Variants in COL22A1 observed in about 807,000 individuals in gnomAD.
COL22A1 encodes collagen alpha-1(XXII) chain.
A neutral mutation model predicts 248.9 loss-of-function variants in COL22A1; 221 were observed. That is an observed-to-expected ratio of 0.89 (90% CI 0.80 to 0.99). The LOEUF (loss-of-function observed/expected upper bound fraction) is 0.99. COL22A1 is among the 50% of genes least tolerant of loss of function. COL22A1 has a pLI of 0.00. For missense variants in COL22A1, 2,240 were observed against 2,179.0 expected, an observed-to-expected ratio of 1.03 and a Z score of -0.56; for synonymous variants, 891 against 793.4, an observed-to-expected ratio of 1.12 and a Z score of -2.07.
rs145559929 is a variant in COL22A1 at position 138,788,399 on chromosome 8, A to G, written c.1597-7419T>C. 3.3e-5 allele frequency among the ~76,000 whole-genome samples: 5 copies of G among 152,334 alleles called. No homozygotes were observed. In the East Asian group the frequency reaches 9.6e-4, roughly 29 times the overall value. On this transcript the variant is annotated intron_variant, in intron 12 of 64. Transcript: ENST00000303045. ...CCAGGTGAATTTTCATTTTATAGTG[A>G]ATAGCCTGTAAAACAAGGACAGCAA...
intron 11 of COL22A1, among the ~76,000 whole-genome samples, chr8:138,802,341 G>T (rs1057325697): frequency 6.6e-6 from 1 of 152,034 alleles, no homozygotes; most frequent in African/African-American, 2.4e-5. Flanking sequence ...GAAACTCTGT[G>T]ACTATAAATC....
At chr8:138,606,857 T>A (rs1207921106) in intron 57 of COL22A1, among the ~76,000 whole-genome samples, 1 of 152,170 alleles carries the variant, frequency 6.6e-6, no homozygotes, top group Admixed American at 6.5e-5. Context: ...ATTTTTCAAC[T>A]TCAACTTTTC....
chr8:138,694,748 A>C, intron 33 of COL22A1, 78 bp downstream of exon 33: 2 of 1,542,988 alleles, frequency 1.3e-6, no homozygotes, highest in South Asian at 1.2e-5. Flanking sequence ...CACGGTGCAG[A>C]TCTACAGCTG....
At chr8:138,863,106 A>G (rs1354678903) in intron 3 of COL22A1, among the ~76,000 whole-genome samples, 1 of 152,182 alleles carries the variant, frequency 6.6e-6, no homozygotes, top group East Asian at 1.9e-4. Flanking sequence ...TTAAAAGATA[A>G]AATAAAGTCC....
At chr8:138,873,355 T>C (rs1450944828) in intron 3 of COL22A1, among the ~76,000 whole-genome samples, 1 of 151,898 alleles carries the variant, frequency 6.6e-6, no homozygotes, top group Non-Finnish European at 1.5e-5. Context: ...GGGGGTGGGG[T>C]GGGGAGTGAA....
intron 47 of COL22A1, among the ~76,000 whole-genome samples, chr8:138,645,014 G>A (rs146608919): frequency 1.4e-3 from 215 of 152,306 alleles, no homozygotes; most frequent in African/African-American, 3.9e-3. Flanking sequence ...GTAAGTACAA[G>A]CAACACAATA....
At chr8:138,912,594 G>T (rs984727753) in intron 1 of COL22A1, among the ~76,000 whole-genome samples, 1 of 152,108 alleles carries the variant, frequency 6.6e-6, no homozygotes, top group Non-Finnish European at 1.5e-5. Flanking sequence ...TATAAAATTA[G>T]CCGGGCATGG....
At chr8:138,778,332 C>A (rs1430920094) in intron 15 of COL22A1, 21 bp downstream of exon 15, 15 of 1,613,954 alleles carry the variant, frequency 9.3e-6, no homozygotes, top group Non-Finnish European at 9.3e-6. Context: ...AACCCCTGCC[C>A]AGACAAGTGC....
At chr8:138,698,026 C>T (rs1228342741) in intron 32 of COL22A1, among the ~76,000 whole-genome samples, 2 of 152,360 alleles carry the variant, frequency 1.3e-5, no homozygotes, top group Middle Eastern at 3.4e-3. Flanking sequence ...GCACAGGCCC[C>T]TCACGTGCCT....
At chr8:138,654,866 G>A (rs1401707041) in intron 45 of COL22A1, among the ~76,000 whole-genome samples, 1 of 152,146 alleles carries the variant, frequency 6.6e-6, no homozygotes, top group Non-Finnish European at 1.5e-5. Flanking sequence ...AGCAAATGTG[G>A]TTCTAGAAAC....
At chr8:138,602,058 G>A (rs2131834232) in intron 60 of COL22A1, 57 bp downstream of exon 60, 1 of 1,586,438 alleles carries the variant, frequency 6.3e-7, no homozygotes, top group Admixed American at 1.7e-5. Flanking sequence ...AACATCCTGT[G>A]GCCACTGTGC....
At chr8:138,780,476 G>A (rs1814862500) in intron 13 of COL22A1, among the ~76,000 whole-genome samples, 1 of 152,178 alleles carries the variant, frequency 6.6e-6, no homozygotes, top group Non-Finnish European at 1.5e-5. Flanking sequence ...GGAGGATGTT[G>A]CAGCTCAGAG....
At chr8:138,756,252 GCACA>G (rs1165427238) in intron 18 of COL22A1, among the ~76,000 whole-genome samples, 1 of 152,090 alleles carries the variant, frequency 6.6e-6, no homozygotes, top group East Asian at 1.9e-4. Context: ...TCATAGCTCC[GCACA>G]CAGTCAGCAT....
intron 51 of COL22A1, among the ~76,000 whole-genome samples, chr8:138,625,681 G>A (rs116828546): frequency 0.016 from 2,477 of 152,252 alleles, 68 homozygotes; most frequent in African/African-American, 0.056. Flanking sequence ...AAAATTGTCC[G>A]TTGTAGTTGC....
At chr8:138,903,979 C>T (rs1814810372) in intron 1 of COL22A1, among the ~76,000 whole-genome samples, 1 of 152,132 alleles carries the variant, frequency 6.6e-6, no homozygotes, top group Non-Finnish European at 1.5e-5. Flanking sequence ...TCCCTGGAGC[C>T]CCTGCACCCA....
intron 51 of COL22A1, among the ~76,000 whole-genome samples, chr8:138,624,473 G>A (rs557977775): frequency 6.6e-6 from 1 of 152,244 alleles, no homozygotes; most frequent in Admixed American, 6.5e-5. Context: ...AGGAAAGAAA[G>A]GAGGAGGGAG....
intron 63 of COL22A1, among the ~76,000 whole-genome samples, chr8:138,593,781 G>C (rs1392249201): frequency 1.3e-5 from 2 of 152,226 alleles, no homozygotes; most frequent in South Asian, 2.1e-4. Flanking sequence ...GAGAGAACAA[G>C]AAAGTAGGAA....
intron 30 of COL22A1, among the ~76,000 whole-genome samples, chr8:138,707,076 T>C (rs578148720): frequency 2.6e-5 from 4 of 152,054 alleles, no homozygotes; most frequent in African/African-American, 9.7e-5. Flanking sequence ...GCCCTCCCAA[T>C]ACTAAACCAG....
chr8:138,596,832 A>G (rs72727816), intron 62 of COL22A1, 72 bp downstream of exon 62: 144,245 of 1,417,168 alleles, frequency 0.1, 8,145 homozygotes, highest in Non-Finnish European at 0.11. Flanking sequence ...ATGCAAAAGC[A>G]TTCAAGGCTG....
Sources: gnomAD v4.1 joint callset for allele counts (sites outside exome capture counted in the v4.1 genomes callset) on GRCh38, gnomAD v4.1.1 for gene constraint, MANE v1.5 for transcripts, NCBI Gene and HGNC (gene_info 2026-07-23, HGNC 2026-07-21) for gene names.